The following DLG2 variants were observed in gnomAD, a reference collection of about 807,000 sequenced individuals.
The protein encoded by DLG2 is disks large homolog 2.
In DLG2, 45 loss-of-function variants were observed where a neutral mutation model predicts 132.5. The observed-to-expected ratio is 0.34, with a 90% confidence interval of 0.27 to 0.44. The LOEUF is 0.44. DLG2 is among the 20% of genes least tolerant of loss of function. The probability of loss-of-function intolerance (pLI) is 1.00; values close to 1 mark genes in which losing one functional copy is unlikely to be tolerated. For synonymous variants in DLG2, 424 were observed against 419.6 expected, an observed-to-expected ratio of 1.01 and a Z score of -0.13; for missense variants, 1,045 against 1,196.9, an observed-to-expected ratio of 0.87 and a Z score of 1.87.
At chr11:85,231,277 T>C (rs1415721123) in intron 4 of DLG2, among the ~76,000 whole-genome samples, 1 of 151,984 alleles carries the variant, frequency 6.6e-6, no homozygotes, top group Non-Finnish European at 1.5e-5. Context: ...GTGTGGATAG[T>C]ATATTTTGCA....
chr11:84,234,712 T>C (rs1036867337), intron 8 of DLG2, among the ~76,000 whole-genome samples: 8 of 152,262 alleles, frequency 5.3e-5, no homozygotes, highest in Admixed American at 3.3e-4. Context: ...CTGACCAGCA[T>C]TAACGTTACA....
At chr11:84,925,053 G>T (rs571106021) in intron 6 of DLG2, among the ~76,000 whole-genome samples, 1 of 152,222 alleles carries the variant, frequency 6.6e-6, no homozygotes, top group Non-Finnish European at 1.5e-5. Context: ...ACTTAAAAAT[G>T]CCTTTCTCCA....
intron 6 of DLG2, among the ~76,000 whole-genome samples, chr11:84,566,598 C>T (rs1206313704): frequency 6.6e-6 from 1 of 152,144 alleles, no homozygotes; most frequent in Non-Finnish European, 1.5e-5. Flanking sequence ...GGCTCCCTGA[C>T]TTCCCAAGAT....
At chr11:84,406,756 C>T (rs985495496) in intron 7 of DLG2, among the ~76,000 whole-genome samples, 5 of 152,196 alleles carry the variant, frequency 3.3e-5, no homozygotes, top group African/African-American at 1.2e-4. Flanking sequence ...CTCTCTGCCA[C>T]ATTTATTCCG....
chr11:85,473,472 C>A (rs2093048150), intron 3 of DLG2, among the ~76,000 whole-genome samples: 1 of 151,978 alleles, frequency 6.6e-6, no homozygotes. Context: ...TTTAAAAGAA[C>A]TATATTTTTT....
chr11:84,022,066 G>A (rs910958652), intron 11 of DLG2, among the ~76,000 whole-genome samples: 8 of 152,018 alleles, frequency 5.3e-5, no homozygotes, highest in Non-Finnish European at 1.2e-4. Flanking sequence ...GCTTCTTACT[G>A]AACACATCAG....
At chr11:83,975,181 C>G (rs775279461) in intron 12 of DLG2, among the ~76,000 whole-genome samples, 3 of 151,948 alleles carry the variant, frequency 2.0e-5, no homozygotes, top group Non-Finnish European at 2.9e-5. Flanking sequence ...CTTGGAAGTG[C>G]TTAATAAAGC....
intron 6 of DLG2, among the ~76,000 whole-genome samples, chr11:84,860,997 C>T (rs1387763373): frequency 6.6e-6 from 1 of 152,030 alleles, no homozygotes; most frequent in African/African-American, 2.4e-5. Flanking sequence ...TCATACACTA[C>T]ACCGTATGCT....
At chr11:84,708,494 T>C (rs2060016213) in intron 6 of DLG2, among the ~76,000 whole-genome samples, 1 of 151,878 alleles carries the variant, frequency 6.6e-6, no homozygotes, top group African/African-American at 2.4e-5. Context: ...AGAACAAAGG[T>C]GCAGTTTGCA....
In DLG2 at chr11:83,972,667, C is replaced by G. The variant is rs1197435014; in HGVS notation, c.1057-7199G>C. On this transcript the variant is annotated intron_variant, in intron 12 of 27. Coordinates refer to ENST00000376104, the MANE Select transcript of DLG2 (RefSeq NM_001142699.3). ...GTTTTAAAAAAATGATCGCAGAACA[C>G]CAAAGGAAAAGCAATCAAAATTCCC... Among the ~76,000 whole-genome samples, 11 of 151,992 alleles carry G rather than the reference C, an allele frequency of 7.2e-5. No individual in the cohort carries two copies. The East Asian group carries it at 2.1e-3, about 29-fold the overall frequency.
intron 6 of DLG2, among the ~76,000 whole-genome samples, chr11:84,576,957 C>T (rs935469733): frequency 5.3e-5 from 8 of 152,072 alleles, no homozygotes; most frequent in South Asian, 2.1e-4. Flanking sequence ...CCAGAATTCC[C>T]GTGTGTTGTG....
chr11:84,830,233 G>A (rs1175278010), intron 6 of DLG2, among the ~76,000 whole-genome samples: 1 of 151,512 alleles, frequency 6.6e-6, no homozygotes, highest in Non-Finnish European at 1.5e-5. Context: ...GGTATGAGGA[G>A]GCAAGTATGA....
At chr11:84,520,287 C>G (rs1045555857) in intron 7 of DLG2, among the ~76,000 whole-genome samples, 2 of 152,120 alleles carry the variant, frequency 1.3e-5, no homozygotes, top group Admixed American at 6.6e-5. Flanking sequence ...TCATTGTGAG[C>G]TGAGTCTATT....
intron 16 of DLG2, among the ~76,000 whole-genome samples, chr11:83,871,558 G>A (rs1712132137): frequency 6.6e-6 from 1 of 152,136 alleles, no homozygotes; most frequent in South Asian, 2.1e-4. Context: ...TGCCTACACT[G>A]AGCAGTATAA....
At chr11:85,441,581 T>C (rs1255334202) in intron 3 of DLG2, among the ~76,000 whole-genome samples, 3 of 152,198 alleles carry the variant, frequency 2.0e-5, no homozygotes, top group Non-Finnish European at 4.4e-5. Flanking sequence ...TATTATTATA[T>C]GTTAAGCTCT....
intron 6 of DLG2, among the ~76,000 whole-genome samples, chr11:85,094,143 C>G (rs1169177846): frequency 6.6e-6 from 1 of 152,192 alleles, no homozygotes; most frequent in African/African-American, 2.4e-5. Flanking sequence ...CTGGGACTTT[C>G]AGGATTATGA....
At chr11:84,430,884 C>A (rs940167232) in intron 7 of DLG2, among the ~76,000 whole-genome samples, 8 of 152,168 alleles carry the variant, frequency 5.3e-5, no homozygotes, top group African/African-American at 1.9e-4. Flanking sequence ...CAGACACTGG[C>A]GCTGAGTCAT....
At chr11:83,695,803 G>A (rs2081816519) in intron 18 of DLG2, among the ~76,000 whole-genome samples, 1 of 152,130 alleles carries the variant, frequency 6.6e-6, no homozygotes, top group Admixed American at 6.6e-5. Context: ...CTAAGAAGCT[G>A]TTAACCAAGG....
At chr11:84,805,582 C>A (rs375077339) in intron 6 of DLG2, among the ~76,000 whole-genome samples, 2 of 152,052 alleles carry the variant, frequency 1.3e-5, no homozygotes, top group African/African-American at 4.8e-5. Flanking sequence ...CTCAAGAGAT[C>A]GGGTTGGTTG....
Sources: gnomAD v4.1 joint callset for allele counts (sites outside exome capture counted in the v4.1 genomes callset) on GRCh38, gnomAD v4.1.1 for gene constraint, MANE v1.5 for transcripts, NCBI Gene and HGNC (gene_info 2026-07-23, HGNC 2026-07-21) for gene names.